The following SCARA3 variants were observed in gnomAD, a reference collection of about 807,000 sequenced individuals.
SCARA3 encodes scavenger receptor class A member 3.
SCARA3 carries 39 observed loss-of-function variants against 47.0 expected under a neutral mutation model. The observed-to-expected ratio is 0.83, with a 90% CI of 0.64 to 1.08. The LOEUF is 1.08. Among genes scored for constraint, SCARA3 ranks in the 50% least tolerant of loss-of-function variants. The pLI, the probability that SCARA3 is intolerant of heterozygous loss-of-function variation, is 0.00. For missense variants in SCARA3, 724 were observed against 792.3 expected (o/e 0.91, Z 1.04); for synonymous variants, 356 against 334.1 (o/e 1.07, Z -0.71).
At chr8:27,729,723 G>A in the SCARA3 span, among the ~76,000 whole-genome samples, 35 of 152,166 alleles carry the variant, frequency 2.3e-4, no homozygotes, top group East Asian at 5.4e-3. Context: ...CCCGGGAGGC[G>A]AAAGTTACAG....
the SCARA3 span, among the ~76,000 whole-genome samples, chr8:27,704,811 A>G: frequency 6.6e-6 from 1 of 152,180 alleles, no homozygotes; most frequent in Non-Finnish European, 1.5e-5. Context: ...CAGAAGCGTC[A>G]TGCCTACTGT....
the SCARA3 span, among the ~76,000 whole-genome samples, chr8:27,732,020 T>C: frequency 6.6e-6 from 1 of 152,322 alleles, no homozygotes; most frequent in Non-Finnish European, 1.5e-5. Context: ...AAGATCCCGG[T>C]TCTCTTCTGA....
chr8:27,698,524 G>C, the SCARA3 span, among the ~76,000 whole-genome samples: 1 of 151,976 alleles, frequency 6.6e-6, no homozygotes, highest in Non-Finnish European at 1.5e-5. Context: ...CCTCCCCAAC[G>C]AAATAAGACA....
the SCARA3 span, among the ~76,000 whole-genome samples, chr8:27,696,672 A>T: frequency 2.0e-5 from 3 of 150,462 alleles, no homozygotes; most frequent in African/African-American, 7.3e-5. Context: ...GCTGGTCTCA[A>T]ACTGCTGGTC....
the SCARA3 span, chr8:27,733,201 T>C: frequency 6.6e-6 from 1 of 152,182 alleles, no homozygotes; most frequent in Non-Finnish European, 1.5e-5. Flanking sequence ...CATCATCACA[T>C]GGGGAGCCAA....
At chr8:27,694,616 T>C in the SCARA3 span, among the ~76,000 whole-genome samples, 4 of 152,054 alleles carry the variant, frequency 2.6e-5, no homozygotes, top group Admixed American at 6.6e-5. Context: ...AAATGGACGG[T>C]TGAGAAGCAG....
rs570455609 is a variant in SCARA3 at position 27,654,633 on chromosome 8, TGGCACATGCCAGTAGTCCTGGC to T, written c.227-2126_227-2105del. Among the ~76,000 whole-genome samples the T allele has an allele frequency of 6.4e-3, 976 of 151,862 alleles. 15 individuals are homozygous for T. The highest frequency in any genetic ancestry group is 0.022 in the African/African-American group (914 of 41,404). On this transcript the variant is annotated intron_variant, in intron 3 of 5. Coordinates refer to ENST00000301904, the MANE Select transcript of SCARA3 (RefSeq NM_016240.3). The stretch of plus-strand genomic sequence containing the variant: ...AAAATTGAAAATTAACTGGGCATGG[TGGCACATGCCAGTAGTCCTGGC>T]GGCACATGCCAGTAGTCCTGGCTAC...
chr8:27,729,699 G>A, the SCARA3 span, among the ~76,000 whole-genome samples: 1 of 152,164 alleles, frequency 6.6e-6, no homozygotes, highest in Non-Finnish European at 1.5e-5. Context: ...CCTGAGGCAG[G>A]AGAATCGCGT....
downstream of SCARA3, among the ~76,000 whole-genome samples, chr8:27,674,685 A>G (rs1363324464): frequency 6.6e-6 from 1 of 150,752 alleles, no homozygotes; most frequent in Non-Finnish European, 1.5e-5. Context: ...CAGACTTGCA[A>G]AGCCCTGAAG....
chr8:27,703,571 G>A, the SCARA3 span: 1 of 152,270 alleles, frequency 6.6e-6, no homozygotes, highest in Non-Finnish European at 1.5e-5. Context: ...GCACAGCCAT[G>A]CCTGTTCCCA....
the SCARA3 span, among the ~76,000 whole-genome samples, chr8:27,713,737 C>T: frequency 1.1e-3 from 173 of 152,234 alleles, no homozygotes; most frequent in African/African-American, 4.0e-3. Flanking sequence ...CTTTGCCTGC[C>T]CCAGCTGTGA....
chr8:27,705,752 AG>A, the SCARA3 span, among the ~76,000 whole-genome samples: 4 of 152,360 alleles, frequency 2.6e-5, no homozygotes, highest in South Asian at 8.3e-4. Context: ...ACAAGCAAAA[AG>A]GTTCTTCTAA....
rs35246884 is a variant in SCARA3, at chr8:27,638,271, T to C, written c.7+4064T>C. 4.1e-4 allele frequency among the ~76,000 whole-genome samples: 62 copies of C among 152,104 alleles called. 1 individual carries two copies. The highest frequency in any genetic ancestry group is 3.5e-3 in the East Asian group (18 of 5,148). On this transcript the variant is annotated intron_variant, in intron 1 of 5. Coordinates refer to ENST00000301904, the MANE Select transcript of SCARA3 (RefSeq NM_016240.3). ...AGGGTGGCATAGCTGGGCATGGCTC[T>C]CATACATGCACTGCCCATGTTTGAT...
intron 3 of SCARA3, among the ~76,000 whole-genome samples, chr8:27,656,171 A>G (rs1231736445): frequency 1.3e-5 from 2 of 152,238 alleles, no homozygotes; most frequent in African/African-American, 4.8e-5. Context: ...TCAGATACAA[A>G]GAGACCATAT....
At chr8:27,663,521 A>C (rs1339034673) in intron 5 of SCARA3, among the ~76,000 whole-genome samples, 2 of 152,196 alleles carry the variant, frequency 1.3e-5, no homozygotes, top group Non-Finnish European at 2.9e-5. Flanking sequence ...TGCTCTGCAC[A>C]CGCAACTTTA....
chr8:27,671,923 C>T lies in SCARA3; in HGVS notation c.*572C>T. 1.0e-6 allele frequency: 1 copy of T among 985,426 alleles called. No individual in the cohort carries two copies. Among genetic ancestry groups the T allele is most frequent in the Non-Finnish European group, 1.2e-6 (1 of 829,946 alleles). The allele number at this position is 985,426 out of a possible 1,614,324, so 61.0% of individuals were successfully genotyped here. ...GAAGACCCCCTCTCCTGTGACTGAG[C>T]CTGCCAGGGAGGCAGCTACCTCGGG... On this transcript the variant is annotated 3_prime_UTR_variant, in exon 6 of 6. Coordinates refer to ENST00000301904, the MANE Select transcript of SCARA3 (RefSeq NM_016240.3).
chr8:27,704,736 A>G, the SCARA3 span, among the ~76,000 whole-genome samples: 2 of 150,640 alleles, frequency 1.3e-5, no homozygotes, highest in Admixed American at 6.6e-5. Flanking sequence ...TCATATGACT[A>G]GTTTCTAGGA....
intron 1 of SCARA3, among the ~76,000 whole-genome samples, chr8:27,638,957 A>G (rs571781172): frequency 6.6e-6 from 1 of 152,198 alleles, no homozygotes; most frequent in Admixed American, 6.5e-5. Flanking sequence ...TCCCTGAACA[A>G]TCTCTCCCAG....
intron 5 of SCARA3, among the ~76,000 whole-genome samples, chr8:27,664,551 T>A (rs1801976686): frequency 6.6e-6 from 1 of 152,122 alleles, no homozygotes; most frequent in Non-Finnish European, 1.5e-5. Flanking sequence ...GAGAATGAGT[T>A]TGTAGATGCC....
Sources: allele counts gnomAD v4.1 joint callset (sites outside exome capture counted in the v4.1 genomes callset), GRCh38; gene constraint gnomAD v4.1.1; transcripts MANE v1.5; gene names NCBI Gene and HGNC (gene_info 2026-07-23, HGNC 2026-07-21).